EPB41L3: variants seen among roughly 807,000 people sequenced by gnomAD.
EPB41L3 encodes the protein band 4.1-like protein 3.
Under a neutral mutation model 127.1 loss-of-function variants are expected in EPB41L3, and 57 were observed. That is an observed-to-expected ratio of 0.45 (90% CI 0.36 to 0.56). EPB41L3 has a LOEUF of 0.56. Ranked by LOEUF, EPB41L3 falls within the 20% of genes least tolerant of loss-of-function variation. The pLI is 0.00. For missense variants in EPB41L3, 1,273 were observed against 1,372.2 expected, an observed-to-expected ratio of 0.93 and a Z score of 1.14; for synonymous variants, 572 against 549.5, an observed-to-expected ratio of 1.04 and a Z score of -0.57.
At chr18:5,534,062 C>T (rs1410658303) in intron 1 of EPB41L3, among the ~76,000 whole-genome samples, 1 of 152,162 alleles carries the variant, frequency 6.6e-6, no homozygotes, top group Non-Finnish European at 1.5e-5. Flanking sequence ...CCTTGGGAGT[C>T]TGAGGCAGGA....
intron 9 of EPB41L3, among the ~76,000 whole-genome samples, chr18:5,425,322 C>T (rs779728493): frequency 6.6e-6 from 1 of 152,130 alleles, no homozygotes; most frequent in African/African-American, 2.4e-5. Flanking sequence ...ATGCTTCAAC[C>T]GCAATTGCCT....
chr18:5,409,834 A>G (rs886449893), intron 14 of EPB41L3, among the ~76,000 whole-genome samples: 3 of 152,098 alleles, frequency 2.0e-5, no homozygotes, highest in Admixed American at 6.6e-5. Context: ...TACAGATATT[A>G]TTTTTAAAGA....
chr18:5,455,632 T>G (rs764933210), intron 3 of EPB41L3, among the ~76,000 whole-genome samples: 1 of 150,794 alleles, frequency 6.6e-6, no homozygotes, highest in Non-Finnish European at 1.5e-5. Flanking sequence ...TTTTTTTTTT[T>G]AATTGGTTCC....
At chr18:5,394,453 C>T (rs968326583) in intron 22 of EPB41L3, 1 of 482,788 alleles carries the variant, frequency 2.1e-6, no homozygotes, top group Non-Finnish European at 3.7e-6. Context: ...AGACTCTGCT[C>T]TTCCTTTATC....
chr18:5,465,081 A>C (rs978725585), intron 3 of EPB41L3, among the ~76,000 whole-genome samples: 1 of 152,224 alleles, frequency 6.6e-6, no homozygotes, highest in African/African-American at 2.4e-5. Flanking sequence ...CTGACACAAC[A>C]GCAACAGAAC....
intron 13 of EPB41L3, among the ~76,000 whole-genome samples, chr18:5,411,117 A>C (rs2076143413): frequency 6.6e-6 from 1 of 152,218 alleles, no homozygotes; most frequent in African/African-American, 2.4e-5. Flanking sequence ...CATTATGATA[A>C]TTTATATCCA....
chr18:5,457,329 G>A (rs1479374424), intron 3 of EPB41L3, among the ~76,000 whole-genome samples: 1 of 152,022 alleles, frequency 6.6e-6, no homozygotes, highest in African/African-American at 2.4e-5. Context: ...CCTCGGGGCT[G>A]AACTTGAGTA....
chr18:5,594,385 A>C (rs1362247212), intron 3 of EPB41L3, among the ~76,000 whole-genome samples: 1 of 152,202 alleles, frequency 6.6e-6, no homozygotes, highest in Non-Finnish European at 1.5e-5. Context: ...TTTAATGCAC[A>C]CAAAGTAAAG....
At position 5,434,043 on chromosome 18, in the gene EPB41L3, C is replaced by T; in HGVS notation, c.684G>A (p.Leu228=). 1 of 1,614,124 alleles carries T rather than the reference C, an allele frequency of 6.2e-7. No homozygotes were observed. The highest frequency in any genetic ancestry group is 8.5e-7 in the Non-Finnish European group (1 of 1,180,028). ...GCTCTGACTGGACAGTGTAGGAGCC[C>T]AGCAAGGCCAGGGTAACAAAGGAGC... ...LPCSFVTLAL[L]GSYTVQSELG... is the part of the protein sequence containing the mutation. Residue 228 remains leucine, a synonymous_variant, in exon 7 of 23, where the codon CTG becomes CTA. Coordinates refer to ENST00000341928, the MANE Select transcript of EPB41L3 (RefSeq NM_012307.5).
chr18:5,426,542 T>C (rs1014115291), intron 9 of EPB41L3, among the ~76,000 whole-genome samples: 2 of 152,200 alleles, frequency 1.3e-5, no homozygotes, highest in Admixed American at 1.3e-4. Flanking sequence ...AAGAAATGTA[T>C]CATTCCAAAA....
chr18:5,478,475 G>C, intron 2 of EPB41L3, 37 bp from the exon 3 acceptor site: 2 of 1,602,528 alleles, frequency 1.2e-6, no homozygotes, highest in African/African-American at 1.3e-5. Flanking sequence ...TTCATTGCAA[G>C]GTGGGAAATA....
intron 1 of EPB41L3, among the ~76,000 whole-genome samples, chr18:5,519,334 C>G (rs1291909622): frequency 6.6e-6 from 1 of 152,204 alleles, no homozygotes; most frequent in Non-Finnish European, 1.5e-5. Flanking sequence ...GACTATACTC[C>G]TTGTCCTTCA....
Position 5,469,721 on chromosome 18 carries a change from G to A in EPB41L3, c.381+8520C>T, listed in dbSNP as rs112580799. Among the ~76,000 whole-genome samples the A allele has an allele frequency of 4.6e-3, 699 of 152,158 alleles. 9 individuals carry two copies. The highest frequency in any genetic ancestry group is 0.016 in the African/African-American group (678 of 41,506). ...TGACACTACTAAAACACAAGTCCAC[G>A]CTGGAGACAAATACTATACTTTGGA... On this transcript the variant is annotated intron_variant, in intron 3 of 22. Coordinates refer to ENST00000341928, the MANE Select transcript of EPB41L3 (RefSeq NM_012307.5).
intron 1 of EPB41L3, among the ~76,000 whole-genome samples, chr18:5,616,104 A>G (rs1037607927): frequency 5.3e-5 from 8 of 152,038 alleles, no homozygotes; most frequent in African/African-American, 1.9e-4. Context: ...TGCCTTCCAC[A>G]AAAATATAGA....
intron 1 of EPB41L3, among the ~76,000 whole-genome samples, chr18:5,524,673 C>T (rs1457629502): frequency 3.9e-5 from 6 of 152,188 alleles, no homozygotes; most frequent in East Asian, 1.9e-4. Context: ...TCTTGCTCTC[C>T]GGGCCAAGCA....
intron 8 of EPB41L3, chr18:5,431,425 A>T (rs2078993656): frequency 6.6e-6 from 1 of 152,236 alleles, no homozygotes; most frequent in African/African-American, 2.4e-5. Context: ...ATTATCTGTT[A>T]TACTTAATAT....
At chr18:5,502,943 C>G (rs2091865531) in intron 1 of EPB41L3, among the ~76,000 whole-genome samples, 1 of 152,180 alleles carries the variant, frequency 6.6e-6, no homozygotes, top group Non-Finnish European at 1.5e-5. Flanking sequence ...GGCGAGGCTG[C>G]AGATCAAGCC....
At chr18:5,395,223 C>A (rs1221072829) in intron 20 of EPB41L3, 76 bp from the exon 21 acceptor site, 1 of 1,207,880 alleles carries the variant, frequency 8.3e-7, no homozygotes, top group Non-Finnish European at 1.2e-6. Flanking sequence ...GGGAAATGGC[C>A]GAAGATGCTG....
At chr18:5,559,806 T>G (rs922317856) in intron 3 of EPB41L3, among the ~76,000 whole-genome samples, 8 of 152,204 alleles carry the variant, frequency 5.3e-5, no homozygotes, top group Admixed American at 5.2e-4. Flanking sequence ...AGATTCTCAG[T>G]ACATAATCCA....
Sources: gnomAD v4.1 joint callset for allele counts (sites outside exome capture counted in the v4.1 genomes callset) on GRCh38, gnomAD v4.1.1 for gene constraint, MANE v1.5 for transcripts, NCBI Gene and HGNC (gene_info 2026-07-23, HGNC 2026-07-21) for gene names.